Variants in ABR observed in about 807,000 individuals in gnomAD.
ABR encodes active breakpoint cluster region-related protein.
ABR carries 35 observed loss-of-function variants against 107.2 expected under a neutral mutation model. The ratio of observed to expected loss-of-function variants is 0.33; its 90% confidence interval spans 0.25 to 0.43. The LOEUF (loss-of-function observed/expected upper bound fraction) is 0.43, where lower values mean the gene tolerates loss of function less well. Among genes scored for constraint, ABR ranks in the 20% least tolerant of loss-of-function variants. ABR has a pLI of 1.00. For synonymous variants in ABR, 498 were observed against 462.0 expected (o/e 1.08, Z -1.00); for missense variants, 815 against 1,115.2 (o/e 0.73, Z 3.83).
intron 1 of ABR, among the ~76,000 whole-genome samples, chr17:1,213,130 T>A (rs1317105537): frequency 6.6e-6 from 1 of 152,200 alleles, no homozygotes; most frequent in African/African-American, 2.4e-5. Flanking sequence ...GCTGGTTATT[T>A]CCACTTTTCA....
At chr17:1,023,331 A>AT (rs753369500) in intron 16 of ABR, among the ~76,000 whole-genome samples, 234 of 152,342 alleles carry the variant, frequency 1.5e-3, no homozygotes, top group Non-Finnish European at 1.1e-3. Flanking sequence ...AGCCAGGCAC[A>AT]TCTCCCCCAG....
At chr17:1,085,110 C>CTTTTTT (rs1230702293) in intron 4 of ABR, among the ~76,000 whole-genome samples, 2 of 126,124 alleles carry the variant, frequency 1.6e-5, no homozygotes, top group African/African-American at 3.2e-5. Context: ...CCAATTAAAA[C>CTTTTTT]TTTTTTTTTT....
intron 1 of ABR, among the ~76,000 whole-genome samples, chr17:1,174,583 A>G (rs1253545963): frequency 6.6e-6 from 1 of 152,254 alleles, no homozygotes; most frequent in Admixed American, 6.5e-5. Context: ...GCATGAAAAT[A>G]TCACAAGAGA....
intron 1 of ABR, 63 bp from the exon 2 acceptor site, chr17:1,125,430 C>G: frequency 2.5e-6 from 4 of 1,587,140 alleles, no homozygotes; most frequent in Non-Finnish European, 3.4e-6. Flanking sequence ...GGACTGGTAG[C>G]GTAGTGGGCG....
chr17:1,009,266 C>T (rs1597337429), intron 21 of ABR, among the ~76,000 whole-genome samples: 1 of 130,834 alleles, frequency 7.6e-6, no homozygotes, highest in Admixed American at 8.1e-5. Context: ...CACTGCTGTC[C>T]ACCCCCCACT....
At chr17:1,044,860 C>T (rs1024294698) in intron 16 of ABR, among the ~76,000 whole-genome samples, 6 of 152,166 alleles carry the variant, frequency 3.9e-5, no homozygotes, top group African/African-American at 9.7e-5. Context: ...GCGGAGCCTG[C>T]GCACCTTGCT....
intron 4 of ABR, among the ~76,000 whole-genome samples, chr17:1,090,895 G>A (rs1413642306): frequency 1.3e-5 from 2 of 152,200 alleles, no homozygotes; most frequent in Non-Finnish European, 1.5e-5. Flanking sequence ...GGTGGGGAGG[G>A]AGCTCCATGA....
intron 1 of ABR, among the ~76,000 whole-genome samples, chr17:1,138,534 G>A (rs2040169923): frequency 6.6e-6 from 1 of 152,120 alleles, no homozygotes; most frequent in Admixed American, 6.5e-5. Flanking sequence ...CTGGAGTGCA[G>A]TGGCACAAAC....
At chr17:1,113,278 A>AT (rs33922708) in intron 2 of ABR, among the ~76,000 whole-genome samples, 9,894 of 103,888 alleles carry the variant, frequency 0.095, 1,717 homozygotes, top group Middle Eastern at 0.11. Flanking sequence ...ACCTATTGCG[A>AT]TTTTTTTTTT....
chr17:1,166,349 G>A (rs1049282914), intron 1 of ABR, among the ~76,000 whole-genome samples: 38 of 152,052 alleles, frequency 2.5e-4, no homozygotes, highest in African/African-American at 8.5e-4. Context: ...ACTCAAGCAG[G>A]TGACATTCAG....
chr17:1,180,274 G>C (rs531487838), upstream of ABR, among the ~76,000 whole-genome samples: 11 of 152,166 alleles, frequency 7.2e-5, no homozygotes, highest in Admixed American at 5.9e-4. Context: ...GGTGCCGTGG[G>C]GGGCCCGGGA....
At chr17:1,075,722 G>A (rs780109732) in intron 6 of ABR, among the ~76,000 whole-genome samples, 13 of 152,200 alleles carry the variant, frequency 8.5e-5, no homozygotes, top group African/African-American at 1.2e-4. Context: ...TTTTATTTAT[G>A]TATTTATTTT....
intron 16 of ABR, among the ~76,000 whole-genome samples, chr17:1,030,045 CA>C (rs1341205788): frequency 6.6e-6 from 1 of 152,196 alleles, no homozygotes; most frequent in Admixed American, 6.5e-5. Flanking sequence ...GCACTGACGC[CA>C]ACTGCTCAGC....
intron 10 of ABR, among the ~76,000 whole-genome samples, chr17:1,060,081 G>A (rs2033750670): frequency 6.6e-6 from 1 of 152,330 alleles, no homozygotes; most frequent in South Asian, 2.1e-4. Flanking sequence ...ACATTTGTAT[G>A]CAGCCAAGCG....
chr17:1,175,774 T>C (rs1186135456), intron 1 of ABR, among the ~76,000 whole-genome samples: 1 of 152,064 alleles, frequency 6.6e-6, no homozygotes, highest in Non-Finnish European at 1.5e-5. Flanking sequence ...CCAGAAAGAA[T>C]GAACTGCCAA....
chr17:1,119,949 C>T (rs1233399041), intron 2 of ABR, among the ~76,000 whole-genome samples: 2 of 152,118 alleles, frequency 1.3e-5, no homozygotes. Context: ...AATGCCTATT[C>T]GCAGGCGTGA....
At chr17:1,190,906 A>G (rs1209994960), upstream of ABR, among the ~76,000 whole-genome samples, 1 of 152,248 alleles carries the variant, frequency 6.6e-6, no homozygotes, top group Non-Finnish European at 1.5e-5. Context: ...TTTCAGTTCA[A>G]TGATGGGAGA....
chr17:1,087,939 G>A (rs971097493), intron 4 of ABR, among the ~76,000 whole-genome samples: 2 of 152,208 alleles, frequency 1.3e-5, no homozygotes, highest in Non-Finnish European at 2.9e-5. Flanking sequence ...GGAAGTGCAG[G>A]TTGCCTGGAA....
At chr17:1,173,372 A>AC (rs199921843) in intron 1 of ABR, among the ~76,000 whole-genome samples, 1 of 121,736 alleles carries the variant, frequency 8.2e-6, no homozygotes, top group Non-Finnish European at 1.7e-5. Context: ...ACCTCAGCCC[A>AC]CCCCCCACAC....
Sources: gnomAD v4.1 joint callset for allele counts (sites outside exome capture counted in the v4.1 genomes callset) on GRCh38, gnomAD v4.1.1 for gene constraint, MANE v1.5 for transcripts, NCBI Gene and HGNC (gene_info 2026-07-23, HGNC 2026-07-21) for gene names.